Variants in BRINP1 observed in about 807,000 individuals in gnomAD.
BRINP1 encodes BMP/retinoic acid inducible neural specific 1, also known as BMP/retinoic acid-inducible neural-specific protein 1.
In BRINP1, 17 loss-of-function variants were observed where a neutral mutation model predicts 72.9. That is an observed-to-expected ratio of 0.23 (90% CI 0.16 to 0.35). The LOEUF is 0.35. BRINP1 is among the 10% of genes least tolerant of loss of function. The pLI, the probability that BRINP1 is intolerant of heterozygous loss-of-function variation, is 1.00. For missense variants in BRINP1, 850 were observed against 1,001.6 expected (o/e 0.85, Z 2.04); for synonymous variants, 418 against 378.5 (o/e 1.10, Z -1.21).
intron 1 of BRINP1, among the ~76,000 whole-genome samples, chr9:119,365,888 C>T (rs1251085403): frequency 1.3e-5 from 2 of 152,084 alleles, no homozygotes; most frequent in African/African-American, 4.8e-5. Context: ...GAAAATCCTG[C>T]ATGGAAAAGG....
chr9:119,285,035 G>A (rs921301949), intron 2 of BRINP1, among the ~76,000 whole-genome samples: 11 of 151,996 alleles, frequency 7.2e-5, no homozygotes, highest in African/African-American at 1.5e-4. Context: ...AATTTATGAC[G>A]GAGTTTTTGA....
chr9:119,365,701 G>A (rs2119047705), intron 1 of BRINP1, among the ~76,000 whole-genome samples: 1 of 152,234 alleles, frequency 6.6e-6, no homozygotes, highest in South Asian at 2.1e-4. Context: ...TATCAGGGGA[G>A]GGTGTTTTTA....
At chr9:119,324,228 AG>A (rs1203323695) in intron 1 of BRINP1, among the ~76,000 whole-genome samples, 1 of 152,124 alleles carries the variant, frequency 6.6e-6, no homozygotes, top group East Asian at 1.9e-4. Flanking sequence ...AAAAATTCTT[AG>A]AATTTCTAGT....
chr9:119,354,462 T>A (rs1293717396), intron 1 of BRINP1, among the ~76,000 whole-genome samples: 2 of 152,152 alleles, frequency 1.3e-5, no homozygotes, highest in Non-Finnish European at 2.9e-5. Flanking sequence ...GCTCAACCTC[T>A]CCCTGCTTTT....
At chr9:119,284,176 A>G (rs1482292297) in intron 2 of BRINP1, among the ~76,000 whole-genome samples, 3 of 152,066 alleles carry the variant, frequency 2.0e-5, no homozygotes, top group African/African-American at 7.2e-5. Flanking sequence ...TTTTGACTTG[A>G]GTTTTCTCTG....
At chr9:119,313,734 G>A (rs114565124) in intron 1 of BRINP1, among the ~76,000 whole-genome samples, 1 of 152,094 alleles carries the variant, frequency 6.6e-6, no homozygotes, top group Non-Finnish European at 1.5e-5. Flanking sequence ...CCTGTATCTT[G>A]GCACTTGGCA....
rs567750623 is a variant in BRINP1 at position 119,185,755 on chromosome 9, T to A, written c.1146-17531A>T. ...CTCTCCCTGAAGGGAAAAGTCTTCA[T>A]GGGCCCTGAGCCCAGTTTAGGGAAC... is the stretch of plus-strand genomic sequence containing the variant. On this transcript the variant is annotated intron_variant, in intron 7 of 7. Transcript: ENST00000265922. Among the ~76,000 whole-genome samples, 153 of 152,208 alleles carry A rather than the reference T, an allele frequency of 1.0e-3. 1 individual carries two copies. Among genetic ancestry groups the A allele is most frequent in the Non-Finnish European group, 6.6e-4 (45 of 68,038 alleles).
intron 1 of BRINP1, among the ~76,000 whole-genome samples, chr9:119,360,284 C>T (rs1256777071): frequency 1.3e-5 from 2 of 152,180 alleles, no homozygotes; most frequent in African/African-American, 2.4e-5. Flanking sequence ...CCTAAGCATA[C>T]CAAAGTGCTG....
intron 1 of BRINP1, among the ~76,000 whole-genome samples, chr9:119,341,335 T>C (rs1354847129): frequency 6.6e-6 from 1 of 152,236 alleles, no homozygotes; most frequent in African/African-American, 2.4e-5. Context: ...TCCAGTTCTC[T>C]CTTAATCCTG....
chr9:119,263,941 G>A (rs540977713), intron 2 of BRINP1, among the ~76,000 whole-genome samples: 4 of 152,164 alleles, frequency 2.6e-5, no homozygotes, highest in African/African-American at 7.2e-5. Flanking sequence ...CAATACAAAC[G>A]GGCTTATGAA....
intron 2 of BRINP1, among the ~76,000 whole-genome samples, chr9:119,278,936 G>A (rs1246066743): frequency 6.6e-6 from 1 of 151,804 alleles, no homozygotes; most frequent in Non-Finnish European, 1.5e-5. Flanking sequence ...ACAACTTAGA[G>A]CACTTTTCTG....
chr9:119,249,858 G>A (rs1435489528), intron 2 of BRINP1, among the ~76,000 whole-genome samples: 2 of 88,698 alleles, frequency 2.3e-5, no homozygotes, highest in Non-Finnish European at 2.3e-5. Context: ...AAGGAAGGGA[G>A]GGAGGGAGGG....
intron 2 of BRINP1, among the ~76,000 whole-genome samples, chr9:119,312,145 A>C (rs982430761): frequency 2.1e-4 from 32 of 152,212 alleles, no homozygotes; most frequent in Non-Finnish European, 4.4e-5. Flanking sequence ...ACACATATGG[A>C]TTATCTAACA....
chr9:119,167,006 TTTTTG>T lies in BRINP1; in HGVS notation c.*73_*77del, dbSNP rs371728659. ...TACATTTTACAAATTTTTGTGGGTT[TTTTTG>T]TTTTGTTTTGCTTCATTTTGTTCTG... is the stretch of plus-strand genomic sequence containing the variant. On this transcript the variant is annotated 3_prime_UTR_variant, in exon 8 of 8. Transcript: ENST00000265922. This position sits in a 1 kb window ranked among gnomAD's most constrained non-coding sequence, Gnocchi z 4.3. 1,206 of 1,438,342 alleles carry T rather than the reference TTTTTG, an allele frequency of 8.4e-4. 3 individuals carry two copies. The highest frequency in any genetic ancestry group is 7.8e-3 in the Middle Eastern group (32 of 4,114). The allele number at this position is 1,438,342 out of a possible 1,614,324, so 89.1% of individuals were successfully genotyped here.
At chr9:119,260,251 A>G (rs895705612) in intron 2 of BRINP1, among the ~76,000 whole-genome samples, 2 of 152,192 alleles carry the variant, frequency 1.3e-5, no homozygotes, top group Non-Finnish European at 2.9e-5. Context: ...CCCACTGTCC[A>G]TTTTGCAAAT....
At chr9:119,286,551 T>C (rs1830762906) in intron 2 of BRINP1, among the ~76,000 whole-genome samples, 1 of 152,218 alleles carries the variant, frequency 6.6e-6, no homozygotes, top group African/African-American at 2.4e-5. Flanking sequence ...TCATCATTTT[T>C]AACAGAGTAA....
intron 1 of BRINP1, among the ~76,000 whole-genome samples, chr9:119,347,397 C>A (rs1564254100): frequency 6.6e-6 from 1 of 152,112 alleles, no homozygotes; most frequent in Non-Finnish European, 1.5e-5. Flanking sequence ...TTAAATCATA[C>A]CTCTTTCACA....
At position 119,171,494 on chromosome 9, in the gene BRINP1, G is replaced by GACTT. The variant is rs1237918215; in HGVS notation, c.1146-3274_1146-3271dup. ...CAGATTCATAAAGCAAGTCCCGAGT[G>GACTT]ACTTACAAAGAGACTTAGACTCCCA... On this transcript the variant is annotated intron_variant, in intron 7 of 7. Coordinates refer to ENST00000265922, the MANE Select transcript of BRINP1 (RefSeq NM_014618.3). 3.3e-5 allele frequency among the ~76,000 whole-genome samples: 5 copies of GACTT among 151,260 alleles called. No individual in the cohort carries two copies. The South Asian group carries it at 8.5e-4, about 26-fold the overall frequency.
intron 2 of BRINP1, among the ~76,000 whole-genome samples, chr9:119,279,138 AAGAG>A (rs1830684521): frequency 6.6e-6 from 1 of 152,248 alleles, no homozygotes; most frequent in South Asian, 2.1e-4. Context: ...CTCTGTGCAC[AAGAG>A]AGAAATAAAA....
Sources: allele counts gnomAD v4.1 joint callset (sites outside exome capture counted in the v4.1 genomes callset), GRCh38; gene constraint gnomAD v4.1.1; non-coding constraint Gnocchi (gnomAD v3.1); transcripts MANE v1.5; gene names NCBI Gene and HGNC (gene_info 2026-07-23, HGNC 2026-07-21).